DCAF8: variants seen among roughly 807,000 people sequenced by gnomAD.
DCAF8 encodes the protein DDB1 and CUL4 associated factor 8.
A neutral mutation model predicts 68.0 loss-of-function variants in DCAF8; 20 were observed. The observed-to-expected ratio is 0.29, with a 90% CI of 0.21 to 0.43. The LOEUF (loss-of-function observed/expected upper bound fraction) is 0.43, where lower values mean the gene tolerates loss of function less well. Among genes scored for constraint, DCAF8 ranks in the 20% least tolerant of loss-of-function variants. DCAF8 has a pLI of 1.00. For missense variants in DCAF8, 460 were observed against 771.0 expected (o/e 0.60, Z 4.78); for synonymous variants, 230 against 276.9 (o/e 0.83, Z 1.68).
intron 2 of DCAF8, among the ~76,000 whole-genome samples, chr1:160,256,325 T>G (rs1420370082): frequency 6.6e-6 from 1 of 152,160 alleles, no homozygotes; most frequent in Non-Finnish European, 1.5e-5. Context: ...GGAGAGGATT[T>G]AAGATGAAAA....
At chr1:160,238,911 A>C (rs1384725824) in intron 4 of DCAF8, 164 bp from the exon 5 acceptor site, 1 of 834,618 alleles carries the variant, frequency 1.2e-6, no homozygotes, top group Non-Finnish European at 1.7e-6. Context: ...AATTTCTTCC[A>C]GGAGTTAAAG....
rs1335248389 is a variant in DCAF8 at position 160,216,305 on chromosome 1, A to T, written c.*1287T>A. The T allele has an allele frequency of 1.3e-5, 2 of 152,074 alleles. No homozygotes were observed. The highest frequency in any genetic ancestry group is 2.9e-5 in the Non-Finnish European group (2 of 68,044). 9.4% of individuals were successfully genotyped at this position (152,074 alleles called of 1,614,324 possible). A position where few individuals can be genotyped will look rare whatever the true frequency, so the allele number is the denominator to read the frequency against. ...AGAGAGACAGAGTGAGAGAGTGTGT[A>T]TGTATGTGTGTGGTGTGTGTGTACA... is the stretch of plus-strand genomic sequence containing the variant. On this transcript the variant is annotated 3_prime_UTR_variant, in exon 14 of 14. Coordinates refer to ENST00000368074, the MANE Select transcript of DCAF8 (RefSeq NM_015726.4).
In DCAF8 at chr1:160,239,939, G is replaced by A; in HGVS notation, c.481C>T (p.Arg161Trp). The change falls in exon 4 of 14, where the codon CGG becomes TGG. Residue 161 changes from arginine (R) to tryptophan (W), a missense_variant. By Grantham distance (101) the Arg-to-Trp change is moderately radical. Transcript: ENST00000368074. ...AAGCGGGCACTTGAACCCAGCTCCC[G>A]CTCCCGAAGGGCAGGGAGGGCTTGC... ...RWQALPALRE[R>W]ELGSSARFVY... The A allele has an allele frequency of 1.2e-6, 2 of 1,614,198 alleles. No individual in the cohort carries two copies. The highest frequency in any genetic ancestry group is 2.2e-5 in the East Asian group (1 of 44,880).
intron 3 of DCAF8, 55 bp downstream of exon 3, chr1:160,243,905 G>C (rs1656218091): frequency 1.3e-6 from 2 of 1,574,052 alleles, no homozygotes; most frequent in African/African-American, 2.7e-5. Flanking sequence ...TTGCAGGGAG[G>C]AGGACAACCT....
chr1:160,222,100 A>G (rs114094858), intron 11 of DCAF8, among the ~76,000 whole-genome samples: 4 of 152,228 alleles, frequency 2.6e-5, no homozygotes, highest in African/African-American at 9.6e-5. Flanking sequence ...TCACCCCTAA[A>G]TACTTCAACA....
chr1:160,247,989 A>G (rs1003591459), intron 2 of DCAF8, among the ~76,000 whole-genome samples: 1 of 152,250 alleles, frequency 6.6e-6, no homozygotes, highest in Non-Finnish European at 1.5e-5. Context: ...AAAAAAATTA[A>G]TCAGTTGGAT....
chr1:160,239,360 C>G (rs1656010678), intron 4 of DCAF8: 1 of 1,342,014 alleles, frequency 7.5e-7, no homozygotes, highest in South Asian at 1.8e-5. Context: ...ATAACTTGGC[C>G]AAGATCACTG....
intron 6 of DCAF8, among the ~76,000 whole-genome samples, chr1:160,236,376 ATGTG>A (rs914130437): frequency 6.6e-6 from 1 of 151,688 alleles, no homozygotes; most frequent in Non-Finnish European, 1.5e-5. Context: ...ATAAACATAT[ATGTG>A]TGTGTATATA....
chr1:160,243,594 T>A (rs1290326033), intron 3 of DCAF8, among the ~76,000 whole-genome samples: 1 of 152,020 alleles, frequency 6.6e-6, no homozygotes, highest in Non-Finnish European at 1.5e-5. Context: ...GACCTCTCAA[T>A]ATAACTGGGA....
intron 7 of DCAF8, 81 bp from the exon 8 acceptor site, chr1:160,225,744 A>C: frequency 5.3e-6 from 6 of 1,123,594 alleles, no homozygotes; most frequent in Non-Finnish European, 7.9e-6. Context: ...AGTGGCAGGA[A>C]ACTGCCAGCT....
intron 6 of DCAF8, among the ~76,000 whole-genome samples, chr1:160,233,479 A>G (rs74125519): frequency 0.016 from 2,408 of 152,288 alleles, 63 homozygotes; most frequent in African/African-American, 0.049. Context: ...GGTGTCCCCC[A>G]CACATCTCAA....
At chr1:160,259,513 C>T (rs1289620492) in intron 2 of DCAF8, among the ~76,000 whole-genome samples, 1 of 148,676 alleles carries the variant, frequency 6.7e-6, no homozygotes, top group African/African-American at 2.5e-5. Flanking sequence ...AGCCTGGTGA[C>T]AGAGCAAGAC....
rs1655341007 is a variant in DCAF8, at chr1:160,222,800, G to A, written c.1310-19C>T. 6.2e-7 allele frequency: 1 copy of A among 1,613,998 alleles called. No homozygotes were observed. On this transcript the variant is annotated intron_variant, in intron 10 of 13. Transcript: ENST00000368074. Reference sequence around the variant, plus strand: ...CCTTTTACTGAAATGATAAATGAGGGAAGAAACCACATGAGGGTTGGCATC... The same window carrying A: ...CCTTTTACTGAAATGATAAATGAGGAAAGAAACCACATGAGGGTTGGCATC...
intron 11 of DCAF8, chr1:160,219,286 C>G (rs1314366608): frequency 4.0e-5 from 9 of 225,888 alleles, no homozygotes; most frequent in Non-Finnish European, 7.7e-5. Flanking sequence ...CAATGAAATC[C>G]AGATGACCTC....
chr1:160,239,311 T>C lies in DCAF8; in HGVS notation c.723+386A>G, dbSNP rs139768121. On this transcript the variant is annotated intron_variant, in intron 4 of 13. Coordinates refer to ENST00000368074, the MANE Select transcript of DCAF8 (RefSeq NM_015726.4). ...TTAATCCTCATAACCCTATGTGTTATTAGTCCCATTTTACAGATAAACTGA... is the reference window on the plus strand; with the variant it reads ...TTAATCCTCATAACCCTATGTGTTACTAGTCCCATTTTACAGATAAACTGA... 4,370 of 1,182,298 alleles carry C rather than the reference T, an allele frequency of 3.7e-3. 12 individuals carry two copies. Among genetic ancestry groups the C allele is most frequent in the Non-Finnish European group, 4.5e-3 (4,038 of 903,578 alleles). 73.2% of individuals were successfully genotyped at this position (1,182,298 alleles called of 1,614,324 possible).
At chr1:160,225,339 A>G (rs892992578) in intron 8 of DCAF8, among the ~76,000 whole-genome samples, 5 of 152,140 alleles carry the variant, frequency 3.3e-5, no homozygotes, top group Admixed American at 1.3e-4. Context: ...TTTTATGTAC[A>G]CTGTCTCATT....
At chr1:160,221,115 T>G (rs1306860732) in intron 11 of DCAF8, 4 of 152,262 alleles carry the variant, frequency 2.6e-5, no homozygotes, top group African/African-American at 4.8e-5. Context: ...CATCAAACCC[T>G]GGCATTGGCT....
chr1:160,242,663 ATAG>A (rs2101746664), intron 3 of DCAF8, among the ~76,000 whole-genome samples: 1 of 152,334 alleles, frequency 6.6e-6, no homozygotes, highest in East Asian at 1.9e-4. Context: ...AAAGGGCCAG[ATAG>A]TAAAAACCTT....
chr1:160,240,397 G>A (rs761944781), intron 3 of DCAF8, 27 bp from the exon 4 acceptor site: 2 of 1,557,194 alleles, frequency 1.3e-6, no homozygotes, highest in Non-Finnish European at 1.7e-6. Context: ...AAGGAGTAGA[G>A]GAGAGGGAAA....
Sources: gnomAD v4.1 joint callset for allele counts (sites outside exome capture counted in the v4.1 genomes callset) on GRCh38, gnomAD v4.1.1 for gene constraint, MANE v1.5 for transcripts, NCBI Gene and HGNC (gene_info 2026-07-23, HGNC 2026-07-21) for gene names.